ATP8A1: variants seen among roughly 807,000 people sequenced by gnomAD.
ATP8A1 encodes phospholipid-transporting ATPase IA.
A neutral mutation model predicts 177.7 loss-of-function variants in ATP8A1; 90 were observed. The observed-to-expected ratio is 0.51, with a 90% CI of 0.43 to 0.60. The LOEUF is 0.60. Ranked by LOEUF, ATP8A1 falls within the 20% of genes least tolerant of loss-of-function variation. The pLI, the probability that ATP8A1 is intolerant of heterozygous loss-of-function variation, is 0.00. For synonymous variants in ATP8A1, 493 were observed against 485.9 expected, an observed-to-expected ratio of 1.01 and a Z score of -0.19; for missense variants, 1,072 against 1,392.8, an observed-to-expected ratio of 0.77 and a Z score of 3.67.
intron 22 of ATP8A1, among the ~76,000 whole-genome samples, chr4:42,515,507 G>A (rs1725438419): frequency 6.6e-6 from 1 of 152,184 alleles, no homozygotes; most frequent in East Asian, 1.9e-4. Flanking sequence ...CACACTGAGT[G>A]TAATGGTTGA....
intron 2 of ATP8A1, 156 bp downstream of exon 2, chr4:42,626,839 G>A (rs1738154300): frequency 3.1e-6 from 2 of 652,502 alleles, no homozygotes; most frequent in Non-Finnish European, 5.5e-6. Context: ...ATTTCTCTAT[G>A]GGAGAGAAGA....
rs149707321 is a variant in ATP8A1, at chr4:42,637,812, T to C, written c.50-10703A>G. Reference sequence around the variant, plus strand: ...TCCAGTTCAGACATTTCTCTACCCCTTCAGCCTTGTTGGATGCTACTTAAG... The same window carrying C: ...TCCAGTTCAGACATTTCTCTACCCCCTCAGCCTTGTTGGATGCTACTTAAG... On this transcript the variant is annotated intron_variant, in intron 1 of 36. Transcript: ENST00000381668. 2.4e-3 allele frequency among the ~76,000 whole-genome samples: 371 copies of C among 152,338 alleles called. 2 individuals are homozygous for C. Among genetic ancestry groups the C allele is most frequent in the African/African-American group, 8.1e-3 (337 of 41,580 alleles).
chr4:42,515,943 T>G (rs1444214140), intron 22 of ATP8A1, among the ~76,000 whole-genome samples: 2 of 152,240 alleles, frequency 1.3e-5, no homozygotes, highest in Non-Finnish European at 2.9e-5. Context: ...TTTTCTAACA[T>G]ACCCCTAAAT....
chr4:42,472,775 G>GAAAAAGA (rs1720592928), intron 25 of ATP8A1, among the ~76,000 whole-genome samples: 1 of 143,726 alleles, frequency 7.0e-6, no homozygotes, highest in Admixed American at 6.9e-5. Context: ...GAGAGAAAAA[G>GAAAAAGA]AAAAAAAAGA....
chr4:42,637,622 C>G (rs1739526877), intron 1 of ATP8A1, among the ~76,000 whole-genome samples: 1 of 152,214 alleles, frequency 6.6e-6, no homozygotes, highest in South Asian at 2.1e-4. Flanking sequence ...TAGAGAGTCA[C>G]TGAGCACCAA....
chr4:42,617,964 T>C (rs930612329), intron 4 of ATP8A1, among the ~76,000 whole-genome samples: 4 of 152,190 alleles, frequency 2.6e-5, no homozygotes, highest in African/African-American at 7.2e-5. Context: ...CTAAAACTAA[T>C]AGTTCATAAA....
In ATP8A1 at chr4:42,600,490, G is replaced by A. The variant is rs752730943; in HGVS notation, c.438C>T (p.Val146=). ...QVLRNGAWEI[V]HWEKVAVGEI... is the part of the protein sequence containing the mutation. ...AATCAGTGCATACCTTTTCCCAGTG[G>A]ACAATTTCCCAAGCACCATTTCTCA... Residue 146 remains valine, a synonymous_variant, in exon 6 of 37, where the codon GTC becomes GTT. Transcript: ENST00000381668. The A allele has an allele frequency of 6.2e-7, 1 of 1,610,178 alleles. No individual in the cohort carries two copies. Among genetic ancestry groups the A allele is most frequent in the East Asian group, 2.2e-5 (1 of 44,562 alleles).
intron 1 of ATP8A1, among the ~76,000 whole-genome samples, chr4:42,635,776 CACACACAT>C (rs1233883047): frequency 4.8e-4 from 18 of 37,214 alleles, no homozygotes; most frequent in East Asian, 3.7e-3. Context: ...CACACACACA[CACACACAT>C]ATATATATAT....
At chr4:42,555,134 TATCTA>T (rs752220606) in intron 16 of ATP8A1, among the ~76,000 whole-genome samples, 2,298 of 82,212 alleles carry the variant, frequency 0.028, 16 homozygotes, top group Admixed American at 0.031. Context: ...TCTATCTATC[TATCTA>T]ATCTATCTAT....
intron 27 of ATP8A1, among the ~76,000 whole-genome samples, chr4:42,457,048 A>T (rs1718565003): frequency 6.6e-6 from 1 of 152,236 alleles, no homozygotes; most frequent in Admixed American, 6.5e-5. Context: ...ATTAAAAATA[A>T]GTCCAAATTG....
At chr4:42,535,107 A>C (rs78138095) in intron 20 of ATP8A1, among the ~76,000 whole-genome samples, 3 of 152,188 alleles carry the variant, frequency 2.0e-5, no homozygotes, top group African/African-American at 7.2e-5. Flanking sequence ...TGAAAAAAAA[A>C]GGTATTCAGG....
intron 19 of ATP8A1, among the ~76,000 whole-genome samples, chr4:42,548,683 CCT>C (rs1018826308): frequency 9.9e-5 from 15 of 152,192 alleles, no homozygotes; most frequent in Non-Finnish European, 1.5e-4. Flanking sequence ...CATTAACCAA[CCT>C]CTCTTTATCC....
intron 5 of ATP8A1, among the ~76,000 whole-genome samples, chr4:42,613,252 A>G (rs971930875): frequency 3.3e-5 from 5 of 152,196 alleles, no homozygotes; most frequent in African/African-American, 1.2e-4. Flanking sequence ...AAAATATACT[A>G]TTCTCTTAGG....
At chr4:42,438,751 G>T (rs1716282118) in intron 33 of ATP8A1, among the ~76,000 whole-genome samples, 1 of 152,138 alleles carries the variant, frequency 6.6e-6, no homozygotes, top group Admixed American at 6.5e-5. Context: ...GCCCCAAAAA[G>T]AAGGTACTGA....
intron 1 of ATP8A1, among the ~76,000 whole-genome samples, chr4:42,646,083 G>A (rs1435760685): frequency 6.6e-6 from 1 of 152,230 alleles, no homozygotes; most frequent in African/African-American, 2.4e-5. Context: ...AAGATCTCCT[G>A]CATGGGGCAA....
intron 27 of ATP8A1, among the ~76,000 whole-genome samples, chr4:42,461,513 A>T (rs887786136): frequency 2.0e-5 from 3 of 152,150 alleles, no homozygotes; most frequent in Non-Finnish European, 4.4e-5. Flanking sequence ...CACCCATGTA[A>T]GACGTGACTT....
In ATP8A1 at chr4:42,526,561, C is replaced by A. The variant is rs188878012; in HGVS notation, c.1723-1714G>T. ...ATGGCAAGACTGGCCTAGCCTCTCC[C>A]GTGCTGGATGCTTCCTGTCCTTGAA... On this transcript the variant is annotated intron_variant, in intron 20 of 36. Coordinates refer to ENST00000381668, the MANE Select transcript of ATP8A1 (RefSeq NM_006095.2). 5.3e-5 allele frequency among the ~76,000 whole-genome samples: 8 copies of A among 152,222 alleles called. No individual in the cohort carries two copies. The East Asian group carries it at 1.5e-3, about 29-fold the overall frequency.
intron 20 of ATP8A1, among the ~76,000 whole-genome samples, chr4:42,525,668 T>C (rs1011868364): frequency 6.6e-6 from 1 of 152,240 alleles, no homozygotes; most frequent in Non-Finnish European, 1.5e-5. Flanking sequence ...TATGCAGCTT[T>C]GGTTTAGTGC....
intron 22 of ATP8A1, among the ~76,000 whole-genome samples, chr4:42,509,594 C>A (rs1220319833): frequency 1.3e-5 from 2 of 152,214 alleles, no homozygotes; most frequent in African/African-American, 4.8e-5. Flanking sequence ...GGCGCGGTGG[C>A]TCATGCCTGT....
Sources: gnomAD v4.1 joint callset for allele counts (sites outside exome capture counted in the v4.1 genomes callset) on GRCh38, gnomAD v4.1.1 for gene constraint, MANE v1.5 for transcripts, NCBI Gene and HGNC (gene_info 2026-07-23, HGNC 2026-07-21) for gene names.